NPAS3: variants seen among roughly 807,000 people sequenced by gnomAD.
The protein encoded by NPAS3 is neuronal PAS domain-containing protein 3.
Under a neutral mutation model 73.1 loss-of-function variants are expected in NPAS3, and 14 were observed. That is an observed-to-expected ratio of 0.19 (90% CI 0.13 to 0.30). NPAS3 has a LOEUF of 0.30. Among genes scored for constraint, NPAS3 ranks in the 10% least tolerant of loss-of-function variants. NPAS3 has a pLI of 1.00. For synonymous variants in NPAS3, 620 were observed against 541.5 expected, an observed-to-expected ratio of 1.14 and a Z score of -2.01; for missense variants, 1,096 against 1,250.0, an observed-to-expected ratio of 0.88 and a Z score of 1.86.
rs140618163 is a variant in NPAS3 at position 33,101,473 on chromosome 14, A to G, written c.140+45479A>G. Among the ~76,000 whole-genome samples the G allele has an allele frequency of 5.5e-3, 830 of 152,282 alleles. 1 individual carries two copies. Among genetic ancestry groups the G allele is most frequent in the African/African-American group, 0.019 (784 of 41,574 alleles). On this transcript the variant is annotated intron_variant, in intron 2 of 11. Coordinates refer to ENST00000356141, the Ensembl canonical transcript of NPAS3. ...GGTGGCACAGGTTTGCTGATTGTAC[A>G]TGTAGCGATTGAAAAAGTTTTTAAA...
chr14:33,088,900 T>C (rs2042125033), intron 2 of NPAS3, among the ~76,000 whole-genome samples: 1 of 152,180 alleles, frequency 6.6e-6, no homozygotes, highest in Admixed American at 6.5e-5. Context: ...CTGCTGCTGA[T>C]ACCCAGGCAG....
At chr14:33,617,673 G>T (rs2057960721) in intron 5 of NPAS3, among the ~76,000 whole-genome samples, 1 of 152,182 alleles carries the variant, frequency 6.6e-6, no homozygotes. Context: ...TGCTCTGAAT[G>T]AATGGGCAAA....
chr14:33,582,974 T>TTTTTTTTTG (rs2056730474), intron 5 of NPAS3, among the ~76,000 whole-genome samples: 1 of 145,952 alleles, frequency 6.9e-6, no homozygotes, highest in African/African-American at 2.7e-5. Context: ...TAAAGGGTTT[T>TTTTTTTTTG]TTTTTTTTTT....
chr14:32,946,651 G>A (rs1035199752), intron 1 of NPAS3, among the ~76,000 whole-genome samples: 1 of 151,882 alleles, frequency 6.6e-6, no homozygotes, highest in African/African-American at 2.4e-5. Flanking sequence ...TAGAAATTTC[G>A]GGCTTAAAAG....
chr14:32,944,330 C>T (rs191348619), intron 1 of NPAS3, among the ~76,000 whole-genome samples: 152 of 152,118 alleles, frequency 1.0e-3, no homozygotes, highest in African/African-American at 3.4e-3. Context: ...GTTTTATAGA[C>T]GTGTCTTTAA....
chr14:33,605,118 AGCAAT>A (rs1555421074), intron 5 of NPAS3, among the ~76,000 whole-genome samples: 1 of 151,946 alleles, frequency 6.6e-6, no homozygotes, highest in Non-Finnish European at 1.5e-5. Context: ...AATAGAGAAA[AGCAAT>A]GAAATAAAAA....
intron 1 of NPAS3, among the ~76,000 whole-genome samples, chr14:32,961,225 A>G (rs2036900861): frequency 6.6e-6 from 1 of 151,896 alleles, no homozygotes; most frequent in African/African-American, 2.4e-5. Flanking sequence ...CATCCTGGCC[A>G]ACATGGTGAA....
rs117181844 is a variant in NPAS3, at chr14:33,061,691, C to T, written c.140+5697C>T. On this transcript the variant is annotated intron_variant, in intron 2 of 11. Transcript: ENST00000356141. ...TTTAACAAATATATTTTAATCATCA[C>T]CCACGGGTCAGGTGCTTTTCTACAC... Among the ~76,000 whole-genome samples the T allele has an allele frequency of 3.2e-4, 48 of 152,248 alleles. No homozygotes were observed. In the East Asian group the frequency reaches 7.9e-3, roughly 25 times the overall value.
chr14:33,207,322 G>GCCC (rs2046868481), intron 2 of NPAS3, among the ~76,000 whole-genome samples: 1 of 150,602 alleles, frequency 6.6e-6, no homozygotes. Context: ...GCATGCAGTT[G>GCCC]CCTAATGAGT....
intron 2 of NPAS3, among the ~76,000 whole-genome samples, chr14:33,113,365 C>T (rs1193616769): frequency 6.6e-6 from 1 of 152,092 alleles, no homozygotes; most frequent in Non-Finnish European, 1.5e-5. Context: ...TTGTAGTTCT[C>T]CTTGAAGAGG....
At chr14:33,650,497 G>A (rs557700889) in intron 5 of NPAS3, among the ~76,000 whole-genome samples, 164 of 152,248 alleles carry the variant, frequency 1.1e-3, no homozygotes, top group African/African-American at 3.7e-3. Context: ...TCCTTAATTA[G>A]AGGGAAGCTC....
At chr14:33,191,130 CAG>C (rs1409490938) in intron 2 of NPAS3, among the ~76,000 whole-genome samples, 2 of 152,240 alleles carry the variant, frequency 1.3e-5, no homozygotes, top group East Asian at 3.9e-4. Context: ...AGAACAGTAA[CAG>C]ATGTGTGTTA....
chr14:33,452,159 C>T (rs1223880991), intron 4 of NPAS3, among the ~76,000 whole-genome samples: 1 of 152,102 alleles, frequency 6.6e-6, no homozygotes, highest in Non-Finnish European at 1.5e-5. Context: ...TGAACAAGTG[C>T]ATTCAGGCAA....
At chr14:33,282,399 G>A (rs2041665251) in intron 3 of NPAS3, among the ~76,000 whole-genome samples, 1 of 152,164 alleles carries the variant, frequency 6.6e-6, no homozygotes, top group South Asian at 2.1e-4. Flanking sequence ...GCAGAGGCAT[G>A]GGAGTTGTCT....
chr14:33,479,943 C>T (rs2139694903), intron 4 of NPAS3, among the ~76,000 whole-genome samples: 1 of 152,230 alleles, frequency 6.6e-6, no homozygotes, highest in Middle Eastern at 3.4e-3. Context: ...AAAGACATTT[C>T]CAACATTATC....
chr14:33,608,010 G>C (rs2057632123), intron 5 of NPAS3, among the ~76,000 whole-genome samples: 1 of 152,124 alleles, frequency 6.6e-6, no homozygotes, highest in Non-Finnish European at 1.5e-5. Flanking sequence ...CCACACGTGA[G>C]GATGATGAGG....
chr14:33,452,142 G>T (rs147985717), intron 4 of NPAS3, among the ~76,000 whole-genome samples: 2 of 152,200 alleles, frequency 1.3e-5, no homozygotes, highest in Non-Finnish European at 2.9e-5. Context: ...AATTTTAAGT[G>T]GCCTTGTGAA....
chr14:32,995,345 T>G (rs954432536), intron 1 of NPAS3, among the ~76,000 whole-genome samples: 1 of 152,206 alleles, frequency 6.6e-6, no homozygotes, highest in Non-Finnish European at 1.5e-5. Flanking sequence ...TATTTCTGCC[T>G]CCTATTTGCC....
At chr14:33,523,508 A>C (rs2053653199) in intron 4 of NPAS3, among the ~76,000 whole-genome samples, 1 of 150,828 alleles carries the variant, frequency 6.6e-6, no homozygotes, top group African/African-American at 2.4e-5. Context: ...CATGCCTGTA[A>C]TCCCAGCACT....
Sources: gnomAD v4.1 joint callset for allele counts (sites outside exome capture counted in the v4.1 genomes callset) on GRCh38, gnomAD v4.1.1 for gene constraint, MANE v1.5 for transcripts, NCBI Gene and HGNC (gene_info 2026-07-23, HGNC 2026-07-21) for gene names.